The following CACNA2D1 variants were observed in gnomAD, a reference collection of about 807,000 sequenced individuals.
CACNA2D1 encodes voltage-dependent calcium channel subunit alpha-2/delta-1.
In CACNA2D1, 53 loss-of-function variants were observed where a neutral mutation model predicts 171.5. The observed-to-expected ratio is 0.31, with a 90% CI of 0.25 to 0.39. CACNA2D1 has a LOEUF of 0.39. Ranked by LOEUF, CACNA2D1 falls within the 10% of genes least tolerant of loss-of-function variation. The pLI is 1.00. For synonymous variants in CACNA2D1, 442 were observed against 443.1 expected (o/e 1.00, Z 0.03); for missense variants, 903 against 1,299.8 (o/e 0.69, Z 4.69).
chr7:82,011,465 C>G (rs919272364), intron 15 of CACNA2D1, among the ~76,000 whole-genome samples: 5 of 152,070 alleles, frequency 3.3e-5, no homozygotes, highest in African/African-American at 1.2e-4. Context: ...GGCAAAAAGA[C>G]CCCCTTGTTG....
chr7:82,373,981 G>A (rs1822720911), intron 1 of CACNA2D1, among the ~76,000 whole-genome samples: 1 of 152,180 alleles, frequency 6.6e-6, no homozygotes, highest in Non-Finnish European at 1.5e-5. Flanking sequence ...AAAATGGAAG[G>A]CTATTTAACA....
intron 3 of CACNA2D1, among the ~76,000 whole-genome samples, chr7:82,232,206 G>C (rs972763865): frequency 6.6e-6 from 1 of 152,046 alleles, no homozygotes; most frequent in Non-Finnish European, 1.5e-5. Context: ...AATTTAAATA[G>C]TCAGAATACT....
intron 18 of CACNA2D1, chr7:82,001,558 A>G (rs1798601362): frequency 2.9e-6 from 1 of 339,054 alleles, no homozygotes; most frequent in African/African-American, 2.2e-5. Context: ...TGATGTCAGG[A>G]AAGGCAGCTT....
At chr7:82,168,230 A>C (rs914657517) in intron 4 of CACNA2D1, among the ~76,000 whole-genome samples, 1 of 151,726 alleles carries the variant, frequency 6.6e-6, no homozygotes, top group Non-Finnish European at 1.5e-5. Flanking sequence ...TGCACCCTCC[A>C]CCTCCCAGGT....
rs377536842 is a variant in CACNA2D1, at chr7:82,338,708, G to A, written c.178-3457C>T. 2.0e-4 allele frequency among the ~76,000 whole-genome samples: 30 copies of A among 152,254 alleles called. 1 individual carries two copies. In the East Asian group the frequency reaches 4.2e-3, roughly 22 times the overall value. ...GAGCAAACCAATGTCTAGAGCAGCC[G>A]AAGGTGAGTGGTAATGTGGCATATT... On this transcript the variant is annotated intron_variant, in intron 2 of 38. Transcript: ENST00000356860.
rs1323415078 is a variant in CACNA2D1 at position 81,946,843 on chromosome 7, T to C, written c.*3549A>G. On this transcript the variant is annotated 3_prime_UTR_variant, in exon 39 of 39. Coordinates refer to ENST00000356860, the MANE Select transcript of CACNA2D1 (RefSeq NM_000722.4). ...AACTAGAAATAAGGTAGATGAAGAG[T>C]TGTCTAATTCTTCAAAAATCTGGAA... 1 of 151,960 alleles carries C rather than the reference T, an allele frequency of 6.6e-6. No individual in the cohort carries two copies. Among genetic ancestry groups the C allele is most frequent in the Non-Finnish European group, 1.5e-5 (1 of 67,958 alleles). 9.4% of individuals were successfully genotyped at this position (151,960 alleles called of 1,614,324 possible).
In CACNA2D1 at chr7:82,443,358, G is replaced by T; in HGVS notation, c.95+7C>A. On this transcript the variant is annotated splice_region_variant and intron_variant, in intron 1 of 38. Transcript: ENST00000356860. ...GCCGGCGCTCCCTGCCCGGCCCGCC[G>T]ACTTACGTGACGGCCGAAGGGAACG... The T allele has an allele frequency of 6.3e-7, 1 of 1,594,494 alleles. No individual in the cohort carries two copies. Among genetic ancestry groups the T allele is most frequent in the South Asian group, 1.1e-5 (1 of 89,340 alleles).
At chr7:82,127,947 A>T (rs973967740) in intron 5 of CACNA2D1, among the ~76,000 whole-genome samples, 3 of 151,952 alleles carry the variant, frequency 2.0e-5, no homozygotes, top group African/African-American at 7.3e-5. Flanking sequence ...TGTTTTTGAG[A>T]CAGGGTCTCA....
chr7:82,303,096 C>T (rs1423283727), intron 3 of CACNA2D1, among the ~76,000 whole-genome samples: 5 of 151,920 alleles, frequency 3.3e-5, no homozygotes, highest in Non-Finnish European at 5.9e-5. Flanking sequence ...TGGGTTCATG[C>T]CATTCTCCCG....
intron 3 of CACNA2D1, among the ~76,000 whole-genome samples, chr7:82,275,129 C>T (rs966211145): frequency 1.2e-4 from 18 of 152,096 alleles, no homozygotes; most frequent in Non-Finnish European, 2.6e-4. Context: ...CATCAAGCAG[C>T]CAGCTATCCG....
chr7:82,443,036 T>A (rs1354981713), intron 1 of CACNA2D1, among the ~76,000 whole-genome samples: 1 of 152,180 alleles, frequency 6.6e-6, no homozygotes, highest in African/African-American at 2.4e-5. Context: ...GGCTGGAAAC[T>A]TTTTTCCCCA....
At chr7:82,190,152 T>C (rs768933203) in intron 3 of CACNA2D1, among the ~76,000 whole-genome samples, 19 of 151,834 alleles carry the variant, frequency 1.3e-4, no homozygotes, top group Non-Finnish European at 2.2e-4. Flanking sequence ...CAAAGTTTTA[T>C]AATTGAAAGT....
chr7:82,118,707 T>C (rs968343207), intron 5 of CACNA2D1, among the ~76,000 whole-genome samples: 7 of 152,102 alleles, frequency 4.6e-5, no homozygotes, highest in Admixed American at 4.6e-4. Context: ...ATTCATCTTA[T>C]GGAGGCTCTT....
At position 82,149,157 on chromosome 7, in the gene CACNA2D1, T is replaced by C. The variant is rs144941716; in HGVS notation, c.355-12481A>G. On this transcript the variant is annotated intron_variant, in intron 4 of 38. Coordinates refer to ENST00000356860, the MANE Select transcript of CACNA2D1 (RefSeq NM_000722.4). ...TGAGAGACTACACCTTAGCCATGTT[T>C]GAGCTCAATGCCTGGCCCATCACAG... Among the ~76,000 whole-genome samples the C allele has an allele frequency of 3.0e-4, 45 of 152,286 alleles. No individual in the cohort carries two copies. In the East Asian group the frequency reaches 8.7e-3, roughly 30 times the overall value.
intron 6 of CACNA2D1, among the ~76,000 whole-genome samples, chr7:82,110,386 T>C (rs750565856): frequency 5.3e-5 from 8 of 152,148 alleles, no homozygotes; most frequent in Non-Finnish European, 1.2e-4. Context: ...GAAGAGGTCA[T>C]GTGAGGACAC....
At chr7:82,346,166 C>A (rs746018417) in intron 2 of CACNA2D1, among the ~76,000 whole-genome samples, 5 of 152,164 alleles carry the variant, frequency 3.3e-5, no homozygotes, top group Admixed American at 6.6e-5. Context: ...GGCATGGAAG[C>A]CCCATGCTAA....
chr7:82,430,244 C>T (rs986540103), intron 1 of CACNA2D1, among the ~76,000 whole-genome samples: 2 of 151,872 alleles, frequency 1.3e-5, no homozygotes, highest in African/African-American at 4.8e-5. Flanking sequence ...TGGTGAACCC[C>T]GTCTCTACTC....
intron 3 of CACNA2D1, among the ~76,000 whole-genome samples, chr7:82,252,629 C>T (rs945670869): frequency 3.3e-5 from 5 of 152,064 alleles, no homozygotes; most frequent in South Asian, 2.1e-4. Flanking sequence ...TGGTGGCTCA[C>T]GCCTGTAATC....
At chr7:82,259,684 G>T (rs1462774809) in intron 3 of CACNA2D1, among the ~76,000 whole-genome samples, 1 of 152,180 alleles carries the variant, frequency 6.6e-6, no homozygotes, top group Non-Finnish European at 1.5e-5. Flanking sequence ...TGGGTCACAT[G>T]CTCATGCTGA....
Sources: allele counts gnomAD v4.1 joint callset (sites outside exome capture counted in the v4.1 genomes callset), GRCh38; gene constraint gnomAD v4.1.1; transcripts MANE v1.5; gene names NCBI Gene and HGNC (gene_info 2026-07-23, HGNC 2026-07-21).